Variants in CCNT1 observed in about 807,000 individuals in gnomAD.
CCNT1 encodes cyclin-T1.
In CCNT1, 18 loss-of-function variants were observed where a neutral mutation model predicts 67.3. That is an observed-to-expected ratio of 0.27 (90% CI 0.18 to 0.40). The LOEUF (loss-of-function observed/expected upper bound fraction) is 0.40, where lower values mean the gene tolerates loss of function less well. Among genes scored for constraint, CCNT1 ranks in the 10% least tolerant of loss-of-function variants. CCNT1 has a pLI of 1.00. For missense variants in CCNT1, 744 were observed against 884.9 expected (o/e 0.84, Z 2.02); for synonymous variants, 333 against 310.3 (o/e 1.07, Z -0.77).
rs556302567 is a variant in CCNT1, at chr12:48,704,847, G to A, written c.372+921C>T. On this transcript the variant is annotated intron_variant, in intron 3 of 8. Transcript: ENST00000261900. ...TGCTCAGGGCTCCCACTGATTCTACGTTATGGTGAGTTACGTAATTATTTC... is the reference window on the plus strand; with the variant it reads ...TGCTCAGGGCTCCCACTGATTCTACATTATGGTGAGTTACGTAATTATTTC... 1.2e-3 allele frequency among the ~76,000 whole-genome samples: 177 copies of A among 152,162 alleles called. 1 individual carries two copies. The highest frequency in any genetic ancestry group is 4.1e-3 in the African/African-American group (170 of 41,494).
chr12:48,692,772 G>A lies in CCNT1; in HGVS notation c.*261C>T. 3.0e-6 allele frequency: 1 copy of A among 337,534 alleles called. No homozygotes were observed. Among genetic ancestry groups the A allele is most frequent in the East Asian group, 4.7e-5 (1 of 21,222 alleles). 20.9% of individuals were successfully genotyped at this position (337,534 alleles called of 1,614,324 possible). On this transcript the variant is annotated 3_prime_UTR_variant, in exon 9 of 9. Transcript: ENST00000261900. The stretch of plus-strand genomic sequence containing the variant: ...CCTAATTAGATGGTGGAGAGGCCAA[G>A]AATTCAGAATGTGTCCTTAATCCTT...
At chr12:48,710,144 G>C (rs976103202) in intron 2 of CCNT1, among the ~76,000 whole-genome samples, 1 of 151,572 alleles carries the variant, frequency 6.6e-6, no homozygotes, top group African/African-American at 2.4e-5. Flanking sequence ...CACCCAACTC[G>C]GCCTCCCAAA....
rs990174689 is a variant in CCNT1 at position 48,689,194 on chromosome 12, T to C, written c.*3839A>G. On this transcript the variant is annotated 3_prime_UTR_variant, in exon 9 of 9. Transcript: ENST00000261900. Reference sequence around the variant, plus strand: ...ACTCACAAAGGGGAAGAGTAGACACTGCTTTTAGTAAACGTCCTTTTTCTT... The same window carrying C: ...ACTCACAAAGGGGAAGAGTAGACACCGCTTTTAGTAAACGTCCTTTTTCTT... 3.3e-5 allele frequency: 5 copies of C among 152,232 alleles called. No individual in the cohort carries two copies. Among genetic ancestry groups the C allele is most frequent in the African/African-American group, 1.2e-4 (5 of 41,452 alleles). The allele number at this position is 152,232 out of a possible 1,614,324, so 9.4% of individuals were successfully genotyped here.
intron 2 of CCNT1, 137 bp from the exon 3 acceptor site, chr12:48,706,033 C>T: frequency 1.4e-6 from 1 of 698,918 alleles, no homozygotes; most frequent in South Asian, 2.4e-5. Context: ...CTTTCCCGCC[C>T]CCCCGCTTCT....
intron 5 of CCNT1, among the ~76,000 whole-genome samples, chr12:48,698,866 G>A (rs1476861765): frequency 6.6e-6 from 1 of 151,804 alleles, no homozygotes; most frequent in Non-Finnish European, 1.5e-5. Context: ...TGAGGCAGGA[G>A]AATCGCTTGA....
At position 48,693,640 on chromosome 12, in the gene CCNT1, G is replaced by A; in HGVS notation, c.1574C>T (p.Ser525Leu). The A allele has an allele frequency of 6.2e-7, 1 of 1,614,184 alleles. No individual in the cohort carries two copies. The highest frequency in any genetic ancestry group is 8.5e-7 in the Non-Finnish European group (1 of 1,180,028). ...AAGTTGGGAATGAGAGTGCTTGTGT[G>A]AGTGGTGATTATGATGATGATGATG... ...SNHHHHHNHH[S>L]HKHSHSQLPV... Residue 525 changes from serine to leucine, a missense_variant, in exon 9 of 9, where the codon TCA (serine) becomes TTA (leucine). Transcript: ENST00000261900.
At chr12:48,716,439 C>A in intron 1 of CCNT1, 76 bp downstream of exon 1, 3 of 1,391,804 alleles carry the variant, frequency 2.2e-6, no homozygotes, top group South Asian at 2.8e-5. Flanking sequence ...TTCGTCCCCC[C>A]CACAGAGCCT....
At chr12:48,711,951 C>G (rs1470355918) in intron 2 of CCNT1, among the ~76,000 whole-genome samples, 1 of 152,124 alleles carries the variant, frequency 6.6e-6, no homozygotes, top group Non-Finnish European at 1.5e-5. Flanking sequence ...CACCGCCACG[C>G]CCGGCTAATT....
In CCNT1 at chr12:48,694,224, C is replaced by T. The variant is rs1246224228; in HGVS notation, c.990G>A (p.Pro330=). The T allele has an allele frequency of 8.7e-6, 14 of 1,614,038 alleles. No homozygotes were observed. Among genetic ancestry groups the T allele is most frequent in the Non-Finnish European group, 1.0e-5 (12 of 1,180,030 alleles). The change falls in exon 9 of 9, where the codon CCG becomes CCA. Residue 330 remains proline, a synonymous_variant. Coordinates refer to ENST00000261900, the MANE Select transcript of CCNT1 (RefSeq NM_001240.4). ...SSNLTSVEML[P]GKRWLSSQPS... ...GTTGGGAGGACAGCCAACGCTTGCC[C>T]GGCAACATCTCCACACTGGTTAAGT...
intron 3 of CCNT1, 144 bp from the exon 4 acceptor site, chr12:48,701,217 CTTTTTTTTT>C (rs539754445): frequency 4.3e-5 from 4 of 92,952 alleles, no homozygotes; most frequent in Non-Finnish European, 6.1e-5. Flanking sequence ...GAAATACAAT[CTTTTTTTTT>C]TTTTTTTTTT....
In CCNT1 at chr12:48,695,742, A is replaced by T. The variant is rs1256011008; in HGVS notation, c.777+17T>A. 1 of 1,566,142 alleles carries T rather than the reference A, an allele frequency of 6.4e-7. No individual in the cohort carries two copies. Among genetic ancestry groups the T allele is most frequent in the African/African-American group, 1.4e-5 (1 of 74,014 alleles). ...GAAATTGATTTTGTTCCACAAGCTG[A>T]CAGTAATGATTCTTACCCTCCAATT... On this transcript the variant is annotated intron_variant, in intron 8 of 8. Transcript: ENST00000261900.
chr12:48,695,435 A>C (rs1394226075), intron 8 of CCNT1, among the ~76,000 whole-genome samples: 2 of 152,192 alleles, frequency 1.3e-5, no homozygotes, highest in African/African-American at 4.8e-5. Context: ...GTAATTCTCT[A>C]TCTTGCCTCT....
At chr12:48,701,261 T>C (rs1280123034) in intron 3 of CCNT1, among the ~76,000 whole-genome samples, 188 bp from the exon 4 acceptor site, 1 of 107,594 alleles carries the variant, frequency 9.3e-6, no homozygotes, top group Non-Finnish European at 1.8e-5. Flanking sequence ...AGTCTCCCTC[T>C]GTCACCCAGG....
intron 3 of CCNT1, among the ~76,000 whole-genome samples, chr12:48,703,864 C>T (rs562574063): frequency 1.1e-3 from 169 of 151,046 alleles, no homozygotes; most frequent in African/African-American, 3.7e-3. Context: ...AGGTCAAGGC[C>T]GCGGTGAGCC....
rs1344400558 is a variant in CCNT1 at position 48,691,969 on chromosome 12, T to A, written c.*1064A>T. On this transcript the variant is annotated 3_prime_UTR_variant, in exon 9 of 9. Coordinates refer to ENST00000261900, the MANE Select transcript of CCNT1 (RefSeq NM_001240.4). ...CAGGATATACATAGCACATTCCCCA[T>A]CTCTTAGAGACCTTAAGACTGCTCT... 6.6e-6 allele frequency: 1 copy of A among 151,990 alleles called. No homozygotes were observed. Among genetic ancestry groups the A allele is most frequent in the Admixed American group, 6.6e-5 (1 of 15,238 alleles). The allele number at this position is 151,990 out of a possible 1,614,324, so 9.4% of individuals were successfully genotyped here.
chr12:48,705,885 T>C lies in CCNT1; in HGVS notation c.255A>G (p.Pro85=). The part of the protein sequence containing the change: ...FTQFPGNSVA[P]AALFLAAKVE... The stretch of plus-strand genomic sequence containing the variant: ...CTTTAGCTGCTAGAAACAAGGCTGC[T>C]GGAGCCACAGACTGAATGGAGAGAA... Residue 85 remains proline (P), a synonymous_variant, in exon 3 of 9, where the codon CCA becomes CCG. Transcript: ENST00000261900. The C allele has an allele frequency of 6.2e-7, 1 of 1,613,242 alleles. No homozygotes were observed. The highest frequency in any genetic ancestry group is 8.5e-7 in the Non-Finnish European group (1 of 1,179,754).
chr12:48,707,207 C>T (rs1592124512), intron 2 of CCNT1, among the ~76,000 whole-genome samples: 5 of 151,396 alleles, frequency 3.3e-5, no homozygotes, highest in South Asian at 2.1e-4. Context: ...GTGATCTAGG[C>T]GTAAAGCACA....
At position 48,692,985 on chromosome 12, in the gene CCNT1, T is replaced by G. The variant is rs954337307; in HGVS notation, c.*48A>C. The stretch of plus-strand genomic sequence containing the variant: ...TTAGTCCAAAAAAAAAAAAGAAAAA[T>G]TATGTGTTTTTTTAAAGAAGTTTTT... On this transcript the variant is annotated 3_prime_UTR_variant, in exon 9 of 9. Transcript: ENST00000261900. The G allele has an allele frequency of 3.3e-6, 4 of 1,210,564 alleles. No homozygotes were observed. The African/African-American group carries it at 4.6e-5, about 14-fold the overall frequency. The allele number at this position is 1,210,564 out of a possible 1,614,324, so 75.0% of individuals were successfully genotyped here.
At chr12:48,713,840 T>C (rs1940493723) in intron 2 of CCNT1, among the ~76,000 whole-genome samples, 2 of 152,152 alleles carry the variant, frequency 1.3e-5, no homozygotes, top group Non-Finnish European at 2.9e-5. Flanking sequence ...TGATTTCCCC[T>C]TTAATGTTAC....
Sources: gnomAD v4.1 joint callset for allele counts (sites outside exome capture counted in the v4.1 genomes callset) on GRCh38, gnomAD v4.1.1 for gene constraint, MANE v1.5 for transcripts, NCBI Gene and HGNC (gene_info 2026-07-23, HGNC 2026-07-21) for gene names.